GRM1: variants seen among roughly 807,000 people sequenced by gnomAD.
GRM1 encodes glutamate metabotropic receptor 1.
In GRM1, 33 loss-of-function variants were observed where a neutral mutation model predicts 90.9. That is an observed-to-expected ratio of 0.36 (90% CI 0.28 to 0.49). GRM1 has a LOEUF of 0.49. GRM1 is among the 20% of genes least tolerant of loss of function. The probability of loss-of-function intolerance (pLI) is 0.99; values close to 1 mark genes in which losing one functional copy is unlikely to be tolerated. For synonymous variants in GRM1, 700 were observed against 613.2 expected, an observed-to-expected ratio of 1.14 and a Z score of -2.09; for missense variants, 1,190 against 1,534.3, an observed-to-expected ratio of 0.78 and a Z score of 3.75.
chr6:146,264,371 G>A (rs896246309), intron 2 of GRM1, among the ~76,000 whole-genome samples: 4 of 151,974 alleles, frequency 2.6e-5, no homozygotes, highest in African/African-American at 9.7e-5. Flanking sequence ...TTAATAAAAG[G>A]TTTAGCCCAA....
At position 146,089,480 on chromosome 6, in the gene GRM1, C is replaced by T. The variant is rs79180956; in HGVS notation, c.700+59263C>T. Among the ~76,000 whole-genome samples the T allele has an allele frequency of 1.0e-2, 1,521 of 152,236 alleles. 22 individuals carry two copies. The highest frequency in any genetic ancestry group is 0.035 in the African/African-American group (1,444 of 41,548). ...GCTAAGGGATAATGTGTGTGTGTTG[C>T]TTCAAGTCACCACATTTGTGATAAT... On this transcript the variant is annotated intron_variant, in intron 1 of 7. Transcript: ENST00000282753.
chr6:146,239,911 G>C (rs57501950), intron 2 of GRM1, among the ~76,000 whole-genome samples: 32,036 of 151,966 alleles, frequency 0.21, 7,504 homozygotes, highest in African/African-American at 0.59. Context: ...GAAAATGGCC[G>C]CAGAGGAGTG....
Position 146,416,034 on chromosome 6 carries a change from A to G in GRM1, c.2660+16335A>G, listed in dbSNP as rs145089660. On this transcript the variant is annotated intron_variant, in intron 7 of 7. Coordinates refer to ENST00000282753, the MANE Select transcript of GRM1 (RefSeq NM_001278064.2). ...GCTTTTATTTTTGTTTGGTACTTGC[A>G]TGATATACCATTTTCCATCCTTTGA... 9.2e-3 allele frequency among the ~76,000 whole-genome samples: 1,406 copies of G among 152,264 alleles called. 23 individuals carry two copies. Among genetic ancestry groups the G allele is most frequent in the Middle Eastern group, 0.031 (9 of 294 alleles).
chr6:146,089,237 C>T (rs1776640249), intron 1 of GRM1, among the ~76,000 whole-genome samples: 1 of 152,122 alleles, frequency 6.6e-6, no homozygotes, highest in African/African-American at 2.4e-5. Context: ...GAGGTGAGGG[C>T]ATTCTCTAGC....
At chr6:146,072,638 T>C (rs550077046) in intron 1 of GRM1, among the ~76,000 whole-genome samples, 1 of 152,246 alleles carries the variant, frequency 6.6e-6, no homozygotes, top group Non-Finnish European at 1.5e-5. Flanking sequence ...CTATTAGATA[T>C]AGATTATATA....
intron 2 of GRM1, 33 bp from the exon 3 acceptor site, chr6:146,304,578 C>G (rs760184194): frequency 9.3e-6 from 13 of 1,392,960 alleles, no homozygotes. Context: ...GTTTGTCTTT[C>G]TCTCTCCCTA....
At chr6:146,323,603 C>A (rs1784287044) in intron 3 of GRM1, among the ~76,000 whole-genome samples, 1 of 152,116 alleles carries the variant, frequency 6.6e-6, no homozygotes, top group Non-Finnish European at 1.5e-5. Context: ...TAATTAGATC[C>A]CATTTGTCAA....
In GRM1 at chr6:146,270,960, T is replaced by C. The variant is rs560483698; in HGVS notation, c.951-33651T>C. ...TCCTTCCTTCCTTCCTTCCTTTCTT[T>C]CTTTCTTTTTTTTTTCTCTCTCTCT... On this transcript the variant is annotated intron_variant, in intron 2 of 7. Coordinates refer to ENST00000282753, the MANE Select transcript of GRM1 (RefSeq NM_001278064.2). Among the ~76,000 whole-genome samples the C allele has an allele frequency of 4.3e-3, 563 of 131,604 alleles. 13 individuals are homozygous for C. Among genetic ancestry groups the C allele is most frequent in the African/African-American group, 0.017 (520 of 31,484 alleles). 86.3% of individuals were successfully genotyped at this position (131,604 alleles called of 152,430 possible).
intron 2 of GRM1, among the ~76,000 whole-genome samples, chr6:146,196,784 G>A (rs1172342971): frequency 6.6e-6 from 1 of 152,152 alleles, no homozygotes; most frequent in African/African-American, 2.4e-5. Flanking sequence ...GCACAGGAAT[G>A]TTTAAGAGCC....
At chr6:146,372,614 TTGATATTTATTTGATTTTTGTGTA>T (rs1775944411) in intron 5 of GRM1, among the ~76,000 whole-genome samples, 1 of 152,132 alleles carries the variant, frequency 6.6e-6, no homozygotes. Flanking sequence ...AAGTCTTTAA[TTGATATTTATTTGATTTTTGTGTA>T]TGGGGAGAGG....
intron 1 of GRM1, among the ~76,000 whole-genome samples, chr6:146,100,936 G>GA (rs1583002539): frequency 1.3e-5 from 2 of 152,042 alleles, no homozygotes; most frequent in Non-Finnish European, 2.9e-5. Context: ...TGTTTTTAGG[G>GA]AAAAAATGTT....
intron 1 of GRM1, among the ~76,000 whole-genome samples, chr6:146,111,132 C>T (rs1775542090): frequency 6.6e-6 from 1 of 152,148 alleles, no homozygotes; most frequent in South Asian, 2.1e-4. Context: ...TCCAGGTACA[C>T]CTGTCTGTGA....
intron 2 of GRM1, among the ~76,000 whole-genome samples, chr6:146,257,386 T>C (rs60289020): frequency 0.095 from 14,400 of 152,056 alleles, 1,812 homozygotes; most frequent in African/African-American, 0.28. Context: ...AGTCACTAAG[T>C]ATTTTATGAT....
chr6:146,083,718 G>GT (rs1401426039), intron 1 of GRM1, among the ~76,000 whole-genome samples: 2 of 152,160 alleles, frequency 1.3e-5, no homozygotes, highest in Non-Finnish European at 2.9e-5. Context: ...TCTCTGCCAG[G>GT]TTTTGGTATC....
In GRM1 at chr6:146,282,435, G is replaced by T. The variant is rs563604184; in HGVS notation, c.951-22176G>T. Among the ~76,000 whole-genome samples the T allele has an allele frequency of 2.0e-5, 3 of 152,066 alleles. No homozygotes were observed. In the South Asian group the frequency reaches 6.2e-4, roughly 32 times the overall value. On this transcript the variant is annotated intron_variant, in intron 2 of 7. Transcript: ENST00000282753. Reference sequence around the variant, plus strand: ...CACTGCTTCATATCCGTATAATCTGGAATGCCCCTGGCTCATAGCAGCCAC... The same window carrying T: ...CACTGCTTCATATCCGTATAATCTGTAATGCCCCTGGCTCATAGCAGCCAC...
chr6:146,062,290 C>A (rs1775698964), intron 1 of GRM1, among the ~76,000 whole-genome samples: 2 of 150,832 alleles, frequency 1.3e-5, no homozygotes, highest in African/African-American at 4.9e-5. Flanking sequence ...GGGAGATGAA[C>A]AACGAGAACA....
At chr6:146,177,976 C>G (rs1374116346) in intron 2 of GRM1, among the ~76,000 whole-genome samples, 1 of 152,144 alleles carries the variant, frequency 6.6e-6, no homozygotes, top group Non-Finnish European at 1.5e-5. Context: ...ATACTCAGCA[C>G]TCAATTTCCC....
At chr6:146,389,854 C>A (rs1776654654) in intron 6 of GRM1, among the ~76,000 whole-genome samples, 1 of 152,034 alleles carries the variant, frequency 6.6e-6, no homozygotes, top group African/African-American at 2.4e-5. Flanking sequence ...ATTGATTCTG[C>A]CTTTCTTTTG....
At chr6:146,321,919 AT>A (rs1459224458) in intron 3 of GRM1, among the ~76,000 whole-genome samples, 1 of 151,890 alleles carries the variant, frequency 6.6e-6, no homozygotes, top group Non-Finnish European at 1.5e-5. Flanking sequence ...TCTTTATCCA[AT>A]TTGCCAGTCT....
Sources: allele counts gnomAD v4.1 joint callset (sites outside exome capture counted in the v4.1 genomes callset), GRCh38; gene constraint gnomAD v4.1.1; transcripts MANE v1.5; gene names NCBI Gene and HGNC (gene_info 2026-07-23, HGNC 2026-07-21).